NTNG2: variants seen among roughly 807,000 people sequenced by gnomAD.
NTNG2 encodes netrin-G2.
NTNG2 carries 15 observed loss-of-function variants against 47.6 expected under a neutral mutation model. The observed-to-expected ratio is 0.32, with a 90% CI of 0.21 to 0.49. NTNG2 has a LOEUF of 0.49. Among genes scored for constraint, NTNG2 ranks in the 20% least tolerant of loss-of-function variants. The probability of loss-of-function intolerance (pLI) is 0.99; values close to 1 mark genes in which losing one functional copy is unlikely to be tolerated. For synonymous variants in NTNG2, 307 were observed against 324.6 expected, an observed-to-expected ratio of 0.95 and a Z score of 0.58; for missense variants, 578 against 764.6, an observed-to-expected ratio of 0.76 and a Z score of 2.88.
chr9:132,201,697 G>A (rs947426468), intron 3 of NTNG2, among the ~76,000 whole-genome samples: 4 of 152,228 alleles, frequency 2.6e-5, no homozygotes, highest in South Asian at 2.1e-4. Context: ...AACAGCAAAC[G>A]TTTATCGAGC....
chr9:132,212,266 C>T (rs1168942838), intron 3 of NTNG2, among the ~76,000 whole-genome samples: 1 of 152,208 alleles, frequency 6.6e-6, no homozygotes, highest in Non-Finnish European at 1.5e-5. Context: ...CTGGGGGTGC[C>T]TTCGCAGGCC....
At chr9:132,167,918 A>G (rs777622980) in intron 2 of NTNG2, among the ~76,000 whole-genome samples, 17 of 152,214 alleles carry the variant, frequency 1.1e-4, no homozygotes, top group Non-Finnish European at 1.5e-4. Flanking sequence ...GCTCTGGCCC[A>G]GTGACGTCTG....
At position 132,198,532 on chromosome 9, in the gene NTNG2, G is replaced by A. The variant is rs372770327; in HGVS notation, c.780G>A (p.Ala260=). 33 of 1,612,966 alleles carry A rather than the reference G, an allele frequency of 2.0e-5. No homozygotes were observed. Among genetic ancestry groups the A allele is most frequent in the Non-Finnish European group, 2.5e-5 (30 of 1,180,004 alleles). The change falls in exon 3 of 8, where the codon GCG becomes GCA. Residue 260 remains alanine, a synonymous_variant. Coordinates refer to ENST00000393229, the MANE Select transcript of NTNG2 (RefSeq NM_032536.4). ...TGCGCATGCGGCTGCTGCGCCCGGC[G>A]CTGGGCGGCACCTATGTGCAGCGGG... is the stretch of plus-strand genomic sequence containing the variant. ...TDLRMRLLRP[A]LGGTYVQREN...
Position 132,197,821 on chromosome 9 carries a change from A to C in NTNG2, c.214-145A>C, listed in dbSNP as rs1838425850. The C allele has an allele frequency of 1.4e-6, 1 of 727,708 alleles. No individual in the cohort carries two copies. Among genetic ancestry groups the C allele is most frequent in the Non-Finnish European group, 2.2e-6 (1 of 451,736 alleles). The allele number at this position is 727,708 out of a possible 1,614,324, so 45.1% of individuals were successfully genotyped here. A position where few individuals can be genotyped will look rare whatever the true frequency, so the allele number is the denominator to read the frequency against. On this transcript the variant is annotated intron_variant, in intron 2 of 7. Transcript: ENST00000393229. The surrounding 1 kb of genome is among the most constrained non-coding windows in gnomAD (Gnocchi z 4.3). ...TTGAGGAAATGGGCACAAATCTCCC[A>C]GCTGTGTCTGGGCACCGGAGCACAG...
chr9:132,166,510 T>G lies in NTNG2; in HGVS notation c.-322T>G. The G allele has an allele frequency of 2.7e-6, 1 of 371,792 alleles. No individual in the cohort carries two copies. Among genetic ancestry groups the G allele is most frequent in the Admixed American group, 3.8e-5 (1 of 26,346 alleles). 23.0% of individuals were successfully genotyped at this position (371,792 alleles called of 1,614,324 possible). ...ATCCCATTTCCATCCACTGTCACAA[T>G]TTGAGAATCTGCCTGATTTGATCAG... is the stretch of plus-strand genomic sequence containing the variant. On this transcript the variant is annotated 5_prime_UTR_variant, in exon 2 of 8. Coordinates refer to ENST00000393229, the MANE Select transcript of NTNG2 (RefSeq NM_032536.4).
At chr9:132,203,764 T>C (rs1465823917) in intron 3 of NTNG2, among the ~76,000 whole-genome samples, 1 of 151,906 alleles carries the variant, frequency 6.6e-6, no homozygotes, top group African/African-American at 2.4e-5. Context: ...AGGGGCAAGA[T>C]AGCAAAACAG....
chr9:132,192,136 G>A (rs1222353810), intron 2 of NTNG2, among the ~76,000 whole-genome samples: 1 of 152,182 alleles, frequency 6.6e-6, no homozygotes, highest in Non-Finnish European at 1.5e-5. Flanking sequence ...AGACCCAGAG[G>A]AGGCTGGCAA....
At chr9:132,170,847 C>T (rs1339426322) in intron 2 of NTNG2, among the ~76,000 whole-genome samples, 1 of 152,202 alleles carries the variant, frequency 6.6e-6, no homozygotes, top group Non-Finnish European at 1.5e-5. Context: ...CCCTGCCCCA[C>T]AACTGCCGAG....
At position 132,242,146 on chromosome 9, in the gene NTNG2, C is replaced by A; in HGVS notation, c.*35C>A. On this transcript the variant is annotated 3_prime_UTR_variant, in exon 8 of 8. Coordinates refer to ENST00000393229, the MANE Select transcript of NTNG2 (RefSeq NM_032536.4). This position sits in a 1 kb window ranked among gnomAD's most constrained non-coding sequence, Gnocchi z 5.9. ...GGAGGACGCTCCCCGCACCCGGAGGCCGGGGGTCCCGGGGTCCCGGGGCGG... is the reference window on the plus strand; with the variant it reads ...GGAGGACGCTCCCCGCACCCGGAGGACGGGGGTCCCGGGGTCCCGGGGCGG... The A allele has an allele frequency of 2.0e-6, 2 of 1,012,770 alleles. No individual in the cohort carries two copies. The highest frequency in any genetic ancestry group is 2.4e-6 in the Non-Finnish European group (2 of 828,570). The allele number at this position is 1,012,770 out of a possible 1,614,324, so 62.7% of individuals were successfully genotyped here.
chr9:132,243,094 GAA>G lies in NTNG2; in HGVS notation c.*985_*986del, dbSNP rs923521890. ...GCTGCCTCCCTCCTTTCCCAAAAAA[GAA>G]ATCCGGAGTGTATTGGCCCTTTTCT... On this transcript the variant is annotated 3_prime_UTR_variant, in exon 8 of 8. Coordinates refer to ENST00000393229, the MANE Select transcript of NTNG2 (RefSeq NM_032536.4). 1 of 152,160 alleles carries G rather than the reference GAA, an allele frequency of 6.6e-6. No individual in the cohort carries two copies. The highest frequency in any genetic ancestry group is 1.5e-5 in the Non-Finnish European group (1 of 68,066). 9.4% of individuals were successfully genotyped at this position (152,160 alleles called of 1,614,324 possible).
At chr9:132,192,936 G>A (rs11243661) in intron 2 of NTNG2, among the ~76,000 whole-genome samples, 13,376 of 152,272 alleles carry the variant, frequency 0.088, 661 homozygotes, top group Middle Eastern at 0.16. Context: ...GGGCCGGGGC[G>A]GGGGCCGGAG....
chr9:132,243,766 A>C lies in NTNG2; in HGVS notation c.*1655A>C, dbSNP rs1348207681. 1 of 152,410 alleles carries C rather than the reference A, an allele frequency of 6.6e-6. No homozygotes were observed. Among genetic ancestry groups the C allele is most frequent in the Admixed American group, 6.5e-5 (1 of 15,276 alleles). The allele number at this position is 152,410 out of a possible 1,614,324, so 9.4% of individuals were successfully genotyped here. Reference sequence around the variant, plus strand: ...CAAACTTGGCCTTGGGGACAGCAGGAGATTACAACACAGAAAAGGAGGGGG... The same window carrying C: ...CAAACTTGGCCTTGGGGACAGCAGGCGATTACAACACAGAAAAGGAGGGGG... On this transcript the variant is annotated 3_prime_UTR_variant, in exon 8 of 8. Coordinates refer to ENST00000393229, the MANE Select transcript of NTNG2 (RefSeq NM_032536.4).
chr9:132,205,337 T>G (rs149168815), intron 3 of NTNG2, among the ~76,000 whole-genome samples: 1 of 152,264 alleles, frequency 6.6e-6, no homozygotes, highest in Non-Finnish European at 1.5e-5. Context: ...GACATGATGC[T>G]AAGTGAAATA....
intron 3 of NTNG2, among the ~76,000 whole-genome samples, chr9:132,212,538 T>A (rs1414046372): frequency 1.3e-5 from 2 of 152,164 alleles, no homozygotes; most frequent in East Asian, 3.9e-4. Context: ...CATTTGTCCA[T>A]GTTACCCTGG....
intron 2 of NTNG2, among the ~76,000 whole-genome samples, chr9:132,174,308 T>C (rs1836228214): frequency 8.4e-6 from 1 of 118,994 alleles, no homozygotes; most frequent in Admixed American, 8.0e-5. Context: ...ATGCTGCGGA[T>C]GAGACGGACG....
chr9:132,226,755 C>T lies in NTNG2; in HGVS notation c.858-94C>T, dbSNP rs1840787435. On this transcript the variant is annotated intron_variant, in intron 3 of 7. Coordinates refer to ENST00000393229, the MANE Select transcript of NTNG2 (RefSeq NM_032536.4). This position sits in a 1 kb window ranked among gnomAD's most constrained non-coding sequence, Gnocchi z 4.8. ...TCTTCCTGGGCAGCCCAACACCCTCCTGGGCCCCTCCTGGGAGGCGCTCCT... is the reference window on the plus strand; with the variant it reads ...TCTTCCTGGGCAGCCCAACACCCTCTTGGGCCCCTCCTGGGAGGCGCTCCT... The T allele has an allele frequency of 8.4e-7, 1 of 1,192,690 alleles. No homozygotes were observed. Among genetic ancestry groups the T allele is most frequent in the East Asian group, 2.7e-5 (1 of 36,424 alleles). 73.9% of individuals were successfully genotyped at this position (1,192,690 alleles called of 1,614,324 possible). A position where few individuals can be genotyped will look rare whatever the true frequency, so the allele number is the denominator to read the frequency against.
intron 6 of NTNG2, chr9:132,240,603 G>A (rs952848300): frequency 4.0e-6 from 2 of 494,858 alleles, no homozygotes; most frequent in African/African-American, 2.0e-5. Context: ...GAGATGGGAA[G>A]GACAGCGACC....
Position 132,198,028 on chromosome 9 carries a change from C to T in NTNG2, c.276C>T (p.Pro92=), listed in dbSNP as rs1269735665. ...CCAACCCGGACCTGGCCCACCCGCC[C>T]AGGCTCATGTTCGACAAGGAGGAGG... ...DASNPDLAHP[P]RLMFDKEEEG... is the part of the protein sequence containing the mutation. Residue 92 remains proline (P), a synonymous_variant, in exon 3 of 8, where the codon CCC becomes CCT. Transcript: ENST00000393229. The T allele has an allele frequency of 5.6e-6, 9 of 1,613,588 alleles. No individual in the cohort carries two copies. Among genetic ancestry groups the T allele is most frequent in the Non-Finnish European group, 6.8e-6 (8 of 1,180,034 alleles).
intron 2 of NTNG2, among the ~76,000 whole-genome samples, chr9:132,174,218 G>T (rs75645195): frequency 2.9e-4 from 38 of 130,752 alleles, no homozygotes; most frequent in African/African-American, 1.2e-3. Context: ...ACAGATGGAC[G>T]GACGGACAGA....
Sources: gnomAD v4.1 joint callset for allele counts (sites outside exome capture counted in the v4.1 genomes callset) on GRCh38, gnomAD v4.1.1 for gene constraint, Gnocchi (gnomAD v3.1) non-coding constraint, MANE v1.5 for transcripts, NCBI Gene and HGNC (gene_info 2026-07-23, HGNC 2026-07-21) for gene names.